RAB10: variants seen among roughly 807,000 people sequenced by gnomAD.
RAB10 encodes RAB10, member RAS oncogene family, also known as ras-related protein Rab-10.
Under a neutral mutation model 25.7 loss-of-function variants are expected in RAB10, and 5 were observed. The observed-to-expected ratio is 0.19, with a 90% CI of 0.10 to 0.41. The LOEUF is 0.41. Ranked by LOEUF, RAB10 falls within the 10% of genes least tolerant of loss-of-function variation. The probability of loss-of-function intolerance (pLI) is 1.00; values close to 1 mark genes in which losing one functional copy is unlikely to be tolerated. For synonymous variants in RAB10, 89 were observed against 86.4 expected (o/e 1.03, Z -0.16); for missense variants, 103 against 245.8 (o/e 0.42, Z 3.89).
chr2:26,101,418 C>G (rs1036166941), intron 2 of RAB10: 1 of 152,236 alleles, frequency 6.6e-6, no homozygotes, highest in Admixed American at 6.6e-5. Context: ...ACTCATTGAA[C>G]GTGTTGTCTT....
chr2:26,132,749 T>A (rs1206629318), intron 5 of RAB10, among the ~76,000 whole-genome samples: 1 of 145,728 alleles, frequency 6.9e-6, no homozygotes, highest in Non-Finnish European at 1.5e-5. Flanking sequence ...AAGATTTTGC[T>A]CCGCAAGAGA....
intron 1 of RAB10, among the ~76,000 whole-genome samples, chr2:26,074,066 C>CA (rs889803952): frequency 4.6e-5 from 7 of 152,116 alleles, no homozygotes; most frequent in African/African-American, 1.7e-4. Flanking sequence ...GCAAGATTGA[C>CA]ATGATGAAAG....
At chr2:26,098,576 A>AT in intron 1 of RAB10, 86 bp from the exon 2 acceptor site, 1 of 938,972 alleles carries the variant, frequency 1.1e-6, no homozygotes, top group East Asian at 2.6e-5. Flanking sequence ...CAAGTTTAAA[A>AT]GGTGTGAGCG....
chr2:26,052,105 T>G (rs547429693), intron 1 of RAB10, among the ~76,000 whole-genome samples: 5 of 149,034 alleles, frequency 3.4e-5, no homozygotes, highest in Non-Finnish European at 5.9e-5. Flanking sequence ...CAGCAAGACG[T>G]GGTGACTTAT....
intron 1 of RAB10, among the ~76,000 whole-genome samples, chr2:26,087,604 G>C (rs1266695400): frequency 6.6e-6 from 1 of 152,090 alleles, no homozygotes; most frequent in South Asian, 2.1e-4. Flanking sequence ...GGTTTCACCA[G>C]TTGACCAGGT....
intron 1 of RAB10, among the ~76,000 whole-genome samples, chr2:26,092,306 TGTGTGTGTGTGTGTGTTGGG>T: frequency 2.0e-5 from 1 of 48,882 alleles, no homozygotes; most frequent in Non-Finnish European, 4.4e-5. Flanking sequence ...TGTGTGTGTG[TGTGTGTGTGTGTGTGTTGGG>T]GTGGTTAATA....
rs571555735 is a variant in RAB10, at chr2:26,062,209, G to A, written c.127+27474G>A. Reference sequence around the variant, plus strand: ...TAGTGCCTGTTAGTTTAAAAACATAGTAATAGATTGTATAGCATAGAAAAT... The same window carrying A: ...TAGTGCCTGTTAGTTTAAAAACATAATAATAGATTGTATAGCATAGAAAAT... On this transcript the variant is annotated intron_variant, in intron 1 of 5. Coordinates refer to ENST00000264710, the MANE Select transcript of RAB10 (RefSeq NM_016131.5). 4.3e-4 allele frequency among the ~76,000 whole-genome samples: 65 copies of A among 152,286 alleles called. 2 individuals carry two copies. The South Asian group carries it at 0.013, about 30-fold the overall frequency.
Position 26,048,264 on chromosome 2 carries a change from T to C in RAB10, c.127+13529T>C, listed in dbSNP as rs561240110. Among the ~76,000 whole-genome samples the C allele has an allele frequency of 4.2e-4, 64 of 152,286 alleles. 2 individuals are homozygous for C. The South Asian group carries it at 0.012, about 30-fold the overall frequency. ...TTGGGTCACATAGTAATTGCATGTT[T>C]CGTTTTATAAGAAACTGCCAGACTG... On this transcript the variant is annotated intron_variant, in intron 1 of 5. Coordinates refer to ENST00000264710, the MANE Select transcript of RAB10 (RefSeq NM_016131.5).
intron 3 of RAB10, among the ~76,000 whole-genome samples, chr2:26,115,902 C>T (rs1403646384): frequency 6.7e-6 from 1 of 148,608 alleles, no homozygotes; most frequent in Non-Finnish European, 1.5e-5. Flanking sequence ...CTCTGTCGCC[C>T]AGGCTGGAGT....
intron 3 of RAB10, among the ~76,000 whole-genome samples, chr2:26,116,110 A>T (rs1317101629): frequency 6.6e-6 from 1 of 151,838 alleles, no homozygotes; most frequent in African/African-American, 2.4e-5. Context: ...TTCGTGATCT[A>T]CCTGTCTTGG....
chr2:26,080,664 C>T (rs984140987), intron 1 of RAB10, among the ~76,000 whole-genome samples: 1 of 152,098 alleles, frequency 6.6e-6, no homozygotes, highest in Admixed American at 6.5e-5. Flanking sequence ...ACTACCACAC[C>T]TGGCTAGTGT....
chr2:26,062,159 A>G (rs1297522733), intron 1 of RAB10, among the ~76,000 whole-genome samples: 1 of 152,232 alleles, frequency 6.6e-6, no homozygotes, highest in Non-Finnish European at 1.5e-5. Context: ...TGTTGGAATT[A>G]TATTTAAACT....
chr2:26,041,390 A>G (rs2149261105), intron 1 of RAB10, among the ~76,000 whole-genome samples: 1 of 151,148 alleles, frequency 6.6e-6, no homozygotes, highest in Admixed American at 6.6e-5. Flanking sequence ...AAAATACAAA[A>G]ATTAGCTAGG....
chr2:26,116,579 C>T (rs963663469), intron 3 of RAB10, among the ~76,000 whole-genome samples: 6 of 115,450 alleles, frequency 5.2e-5, no homozygotes, highest in Admixed American at 1.1e-4. Context: ...TTTTTTGAGA[C>T]GCAGTCTTGC....
intron 2 of RAB10, among the ~76,000 whole-genome samples, chr2:26,100,651 G>A (rs1559593128): frequency 6.6e-6 from 1 of 152,272 alleles, no homozygotes; most frequent in Admixed American, 6.5e-5. Context: ...GCTCTGCAAG[G>A]CAGAGACCCC....
chr2:26,107,062 A>G (rs1449489105), intron 2 of RAB10, among the ~76,000 whole-genome samples: 1 of 152,038 alleles, frequency 6.6e-6, no homozygotes, highest in East Asian at 1.9e-4. Flanking sequence ...CCTGGCCAAC[A>G]TGGCGAAAAC....
At chr2:26,093,043 CATT>C (rs1385324883) in intron 1 of RAB10, among the ~76,000 whole-genome samples, 2 of 151,992 alleles carry the variant, frequency 1.3e-5, no homozygotes, top group East Asian at 3.9e-4. Context: ...GGGATAGGGG[CATT>C]ATTGTAGATT....
At position 26,064,933 on chromosome 2, in the gene RAB10, C is replaced by T. The variant is rs989275084; in HGVS notation, c.127+30198C>T. On this transcript the variant is annotated intron_variant, in intron 1 of 5. Transcript: ENST00000264710. ...CTTAGCTGGGTATGGTGGTGTGTAC[C>T]TGTAATCCCAGCCACTCAGGAGGCT... Among the ~76,000 whole-genome samples the T allele has an allele frequency of 2.6e-5, 4 of 152,304 alleles. No individual in the cohort carries two copies. The South Asian group carries it at 8.3e-4, about 32-fold the overall frequency.
chr2:26,064,478 C>T (rs764291378), intron 1 of RAB10, among the ~76,000 whole-genome samples: 78 of 151,850 alleles, frequency 5.1e-4, no homozygotes, highest in African/African-American at 1.2e-3. Flanking sequence ...TGTGCCACCA[C>T]GCCTGGCTAA....
Sources: allele counts gnomAD v4.1 joint callset (sites outside exome capture counted in the v4.1 genomes callset), GRCh38; gene constraint gnomAD v4.1.1; transcripts MANE v1.5; gene names NCBI Gene and HGNC (gene_info 2026-07-23, HGNC 2026-07-21).